CACHD1: variants seen among roughly 807,000 people sequenced by gnomAD.
CACHD1 encodes cache domain containing 1.
CACHD1 carries 71 observed loss-of-function variants against 138.7 expected under a neutral mutation model. The ratio of observed to expected loss-of-function variants is 0.51; its 90% CI spans 0.42 to 0.62. The LOEUF is 0.62. CACHD1 is among the 20% of genes least tolerant of loss of function. The pLI is 0.00. For synonymous variants in CACHD1, 578 were observed against 591.5 expected (o/e 0.98, Z 0.33); for missense variants, 1,389 against 1,625.3 (o/e 0.85, Z 2.50).
chr1:64,575,065 CCA>C (rs541630754), intron 2 of CACHD1, among the ~76,000 whole-genome samples: 11 of 152,188 alleles, frequency 7.2e-5, no homozygotes, highest in African/African-American at 2.7e-4. Flanking sequence ...CAATATTTCC[CCA>C]GTTACTACTA....
chr1:64,626,046 G>A (rs1648090733), intron 4 of CACHD1, among the ~76,000 whole-genome samples: 1 of 152,154 alleles, frequency 6.6e-6, no homozygotes, highest in African/African-American at 2.4e-5. Context: ...TTCTGGGAGT[G>A]GGCAGGTTGA....
At chr1:64,646,255 T>G (rs541307311) in intron 8 of CACHD1, among the ~76,000 whole-genome samples, 1 of 152,172 alleles carries the variant, frequency 6.6e-6, no homozygotes, top group African/African-American at 2.4e-5. Flanking sequence ...GTACCAATCG[T>G]GTCTTTGGTG....
At chr1:64,632,256 G>GA (rs55924104) in intron 5 of CACHD1, among the ~76,000 whole-genome samples, 12,263 of 128,974 alleles carry the variant, frequency 0.095, 675 homozygotes, top group African/African-American at 0.16. Context: ...GCTTTTTTCT[G>GA]AAAAAAAAAA....
intron 4 of CACHD1, 74 bp downstream of exon 4, chr1:64,602,986 ATTT>A: frequency 4.1e-6 from 3 of 730,588 alleles, no homozygotes; most frequent in Non-Finnish European, 6.4e-6. Context: ...TATTGCTTCA[ATTT>A]TTTTTTTTAA....
Position 64,582,319 on chromosome 1 carries a change from C to G in CACHD1, c.410+15C>G. ...TCCATGATGGAGTAAGACTTTAAAA[C>G]TTTTTGTTGTTGTATAAACCAGACA... On this transcript the variant is annotated intron_variant, in intron 3 of 26. Transcript: ENST00000651257. 2 of 1,608,670 alleles carry G rather than the reference C, an allele frequency of 1.2e-6. No homozygotes were observed. Among genetic ancestry groups the G allele is most frequent in the East Asian group, 2.2e-5 (1 of 44,840 alleles).
In CACHD1 at chr1:64,634,219, A is replaced by G. The variant is rs200696750; in HGVS notation, c.965A>G (p.Gln322Arg). The G allele has an allele frequency of 8.3e-5, 134 of 1,613,886 alleles. No individual in the cohort carries two copies. Among genetic ancestry groups the G allele is most frequent in the Non-Finnish European group, 1.1e-4 (129 of 1,179,998 alleles). The change falls in exon 7 of 27, where the codon CAG (glutamine) becomes CGG (arginine). Residue 322 changes from glutamine (Q) to arginine (R), a missense_variant. Around this residue, in one of 5 missense-constraint regions of CACHD1, gnomAD observed 1,000 missense variants for 1,114.7 expected, o/e 0.90. Transcript: ENST00000651257. ...GCAGTGGGATTCCAAAAGGCATTTC[A>G]GCTGATTCGAAGTACAAACAATAAC... is the stretch of plus-strand genomic sequence containing the variant. ...QHAVGFQKAF[Q>R]LIRSTNNNTK...
At chr1:64,632,831 C>G in intron 6 of CACHD1, 88 bp downstream of exon 6, 1 of 1,428,570 alleles carries the variant, frequency 7.0e-7, no homozygotes. Context: ...ATATACAGAT[C>G]CTCCTTGACT....
At chr1:64,647,090 T>C (rs1648932110) in intron 8 of CACHD1, among the ~76,000 whole-genome samples, 1 of 151,736 alleles carries the variant, frequency 6.6e-6, no homozygotes, top group African/African-American at 2.4e-5. Flanking sequence ...GTGTATTAAA[T>C]TTACTTTTGT....
intron 1 of CACHD1, among the ~76,000 whole-genome samples, chr1:64,527,431 C>T (rs1413725731): frequency 2.6e-5 from 4 of 152,168 alleles, no homozygotes; most frequent in African/African-American, 9.7e-5. Flanking sequence ...GGCGTTTCTT[C>T]GGGGAGTCTT....
In CACHD1 at chr1:64,617,184, A is replaced by G. The variant is rs144395156; in HGVS notation, c.518-12171A>G. 3.9e-3 allele frequency among the ~76,000 whole-genome samples: 585 copies of G among 151,138 alleles called. 3 individuals are homozygous for G. The highest frequency in any genetic ancestry group is 0.014 in the African/African-American group (558 of 41,228). ...AACAAAAAAAAAAACCAGCAAAACT[A>G]TTGTTCAGCCGCCATGCAGACCTAG... On this transcript the variant is annotated intron_variant, in intron 4 of 26. Transcript: ENST00000651257.
At chr1:64,509,172 G>A (rs1646399981) in intron 1 of CACHD1, among the ~76,000 whole-genome samples, 1 of 152,142 alleles carries the variant, frequency 6.6e-6, no homozygotes, top group Non-Finnish European at 1.5e-5. Context: ...GCTTTTATTT[G>A]TGAGGGTTGG....
chr1:64,608,356 T>A lies in CACHD1; in HGVS notation c.517+5444T>A, dbSNP rs920061491. The stretch of plus-strand genomic sequence containing the variant: ...CCTCCTGTACAGCTCATGCCCCTTT[T>A]CAGAGCAGAATTAATGTACTTTGTA... On this transcript the variant is annotated intron_variant, in intron 4 of 26. Coordinates refer to ENST00000651257, the MANE Select transcript of CACHD1 (RefSeq NM_020925.4). Among the ~76,000 whole-genome samples the A allele has an allele frequency of 5.9e-5, 9 of 152,232 alleles. 1 individual carries two copies. The highest frequency in any genetic ancestry group is 2.2e-4 in the African/African-American group (9 of 41,552).
intron 1 of CACHD1, among the ~76,000 whole-genome samples, chr1:64,473,043 G>GA (rs145663126): frequency 6.6e-6 from 1 of 152,152 alleles, no homozygotes; most frequent in African/African-American, 2.4e-5. Flanking sequence ...AAGACACTTC[G>GA]AAAAAAAGCT....
chr1:64,626,095 CAT>C (rs1351598225), intron 4 of CACHD1, among the ~76,000 whole-genome samples: 3 of 152,230 alleles, frequency 2.0e-5, no homozygotes, highest in African/African-American at 7.2e-5. Flanking sequence ...GGAATAGTCA[CAT>C]GTTGTTCCAG....
At chr1:64,580,984 C>T (rs553437211) in intron 2 of CACHD1, among the ~76,000 whole-genome samples, 7 of 152,056 alleles carry the variant, frequency 4.6e-5, no homozygotes, top group Non-Finnish European at 1.0e-4. Context: ...TTTCCAAGAC[C>T]CACAACTCCT....
intron 12 of CACHD1, among the ~76,000 whole-genome samples, chr1:64,655,356 G>A (rs1250317653): frequency 5.3e-5 from 8 of 152,022 alleles, no homozygotes; most frequent in Non-Finnish European, 8.8e-5. Context: ...GCTCACCCAC[G>A]GCTTTAATGG....
At chr1:64,595,024 A>G (rs919875957) in intron 3 of CACHD1, among the ~76,000 whole-genome samples, 14 of 152,192 alleles carry the variant, frequency 9.2e-5, no homozygotes, top group African/African-American at 2.9e-4. Flanking sequence ...AGTATTCTGC[A>G]TCTTATATTT....
intron 1 of CACHD1, among the ~76,000 whole-genome samples, chr1:64,483,169 A>G (rs138802479): frequency 2.8e-4 from 43 of 152,330 alleles, no homozygotes; most frequent in African/African-American, 7.7e-4. Context: ...TATCAAGCAC[A>G]TTAGGACTCT....
intron 4 of CACHD1, among the ~76,000 whole-genome samples, chr1:64,619,501 T>G (rs1193223753): frequency 6.6e-6 from 1 of 152,180 alleles, no homozygotes; most frequent in African/African-American, 2.4e-5. Flanking sequence ...TTGCATTTTA[T>G]GATATTACTT....
Sources: allele counts gnomAD v4.1 joint callset (sites outside exome capture counted in the v4.1 genomes callset), GRCh38; gene constraint gnomAD v4.1.1; regional missense constraint gnomAD v4.1.1; transcripts MANE v1.5; gene names NCBI Gene and HGNC (gene_info 2026-07-23, HGNC 2026-07-21).